The following PACRG variants were observed in gnomAD, a reference collection of about 807,000 sequenced individuals.
PACRG encodes the protein parkin coregulated, also known as parkin coregulated gene protein.
Under a neutral mutation model 29.7 loss-of-function variants are expected in PACRG, and 29 were observed. The observed-to-expected ratio is 0.98, with a 90% CI of 0.73 to 1.33. The LOEUF (loss-of-function observed/expected upper bound fraction) is 1.33, where lower values mean the gene tolerates loss of function less well. Among genes scored for constraint, PACRG ranks in the 40% most tolerant of loss-of-function variants. The probability of loss-of-function intolerance (pLI) is 0.00; values close to 1 mark genes in which losing one functional copy is unlikely to be tolerated. For missense variants in PACRG, 279 were observed against 316.2 expected, an observed-to-expected ratio of 0.88 and a Z score of 0.89; for synonymous variants, 116 against 118.7, an observed-to-expected ratio of 0.98 and a Z score of 0.15.
chr6:163,270,018 G>C (rs890131054), intron 4 of PACRG, among the ~76,000 whole-genome samples: 1 of 144,012 alleles, frequency 6.9e-6, no homozygotes, highest in Admixed American at 6.9e-5. Context: ...GAGGGAGGGA[G>C]GGAGGGAGGA....
Position 163,081,715 on chromosome 6 carries a change from C to G in PACRG, c.464-7544C>G, listed in dbSNP as rs535412176. Among the ~76,000 whole-genome samples, 17 of 151,906 alleles carry G rather than the reference C, an allele frequency of 1.1e-4. No individual in the cohort carries two copies. The South Asian group carries it at 3.1e-3, about 28-fold the overall frequency. On this transcript the variant is annotated intron_variant, in intron 3 of 4. Coordinates refer to ENST00000366888, the MANE Select transcript of PACRG (RefSeq NM_001080379.2). ...AAGCTATAGTGGGCTATGATCACAC[C>G]ACTGCACTCCAGCTAGGGTGACAGA... is the stretch of plus-strand genomic sequence containing the variant.
intron 4 of PACRG, among the ~76,000 whole-genome samples, chr6:163,186,569 A>G (rs1039090742): frequency 1.5e-4 from 23 of 152,232 alleles, no homozygotes; most frequent in African/African-American, 5.3e-4. Flanking sequence ...TCTTACTAAG[A>G]GTTGGAACTC....
intron 4 of PACRG, among the ~76,000 whole-genome samples, chr6:163,251,915 C>T (rs1438930478): frequency 6.6e-6 from 1 of 152,148 alleles, no homozygotes; most frequent in African/African-American, 2.4e-5. Context: ...CATGGTTCTT[C>T]AAATGGAATA....
intron 4 of PACRG, among the ~76,000 whole-genome samples, chr6:163,195,623 A>G (rs1780416191): frequency 6.6e-6 from 1 of 152,192 alleles, no homozygotes; most frequent in Admixed American, 6.5e-5. Flanking sequence ...GAAGGGGTCT[A>G]ACCTCCCCCA....
chr6:162,938,428 G>A (rs2128115177), intron 2 of PACRG, among the ~76,000 whole-genome samples: 1 of 152,292 alleles, frequency 6.6e-6, no homozygotes, highest in East Asian at 1.9e-4. Context: ...TAGTGGGATT[G>A]CTGGATCAAA....
chr6:162,928,096 GTGTT>G (rs961755708), intron 2 of PACRG, among the ~76,000 whole-genome samples: 48 of 152,098 alleles, frequency 3.2e-4, no homozygotes, highest in South Asian at 2.5e-3. Context: ...AGAAAAATCT[GTGTT>G]TGGTCTTTTT....
chr6:162,750,674 T>C (rs181921907), intron 1 of PACRG, among the ~76,000 whole-genome samples: 17 of 152,312 alleles, frequency 1.1e-4, no homozygotes, highest in African/African-American at 4.1e-4. Context: ...GTGTGTGACA[T>C]TGGGTTTCAT....
intron 2 of PACRG, among the ~76,000 whole-genome samples, chr6:162,908,037 T>TA (rs1398981703): frequency 6.6e-6 from 1 of 152,338 alleles, no homozygotes; most frequent in Non-Finnish European, 1.5e-5. Context: ...GAGTTATACA[T>TA]ACGCCTCTCA....
intron 4 of PACRG, chr6:163,179,394 TA>T (rs5881511): frequency 0.6 from 130,016 of 216,396 alleles, 35,668 homozygotes; most frequent in Admixed American, 0.65. Flanking sequence ...TTCTTTAAAT[TA>T]AAAAAAAAAA....
chr6:163,120,558 G>C (rs912015734), intron 4 of PACRG, among the ~76,000 whole-genome samples: 2 of 152,156 alleles, frequency 1.3e-5, no homozygotes, highest in Non-Finnish European at 2.9e-5. Flanking sequence ...TTAGCCAAGA[G>C]GTTACCGCAG....
chr6:162,761,935 CA>C (rs60437478), intron 1 of PACRG, among the ~76,000 whole-genome samples: 8,039 of 75,914 alleles, frequency 0.11, 285 homozygotes, highest in South Asian at 0.21. Context: ...GACTCCATCT[CA>C]AAAAAAAAAA....
In PACRG at chr6:162,727,994, A is replaced by G; in HGVS notation, c.-242A>G. On this transcript the variant is annotated 5_prime_UTR_variant, in exon 1 of 5. Transcript: ENST00000366888. ...CAGTCGCTTAGCAACCGGGAGGCTTACCTTTGGAAGCTTGTTGCAGCTCTA... is the reference window on the plus strand; with the variant it reads ...CAGTCGCTTAGCAACCGGGAGGCTTGCCTTTGGAAGCTTGTTGCAGCTCTA... 1 of 619,050 alleles carries G rather than the reference A, an allele frequency of 1.6e-6. No homozygotes were observed. Among genetic ancestry groups the G allele is most frequent in the East Asian group, 2.7e-5 (1 of 36,768 alleles). The allele number at this position is 619,050 out of a possible 1,614,324, so 38.3% of individuals were successfully genotyped here. A position where few individuals can be genotyped will look rare whatever the true frequency, so the allele number is the denominator to read the frequency against.
In PACRG at chr6:163,315,145, G is replaced by A; in HGVS notation, c.*158G>A. The stretch of plus-strand genomic sequence containing the variant: ...CATTGGACTGTTAGCCCTATTGAGA[G>A]CAAGGCTTTCCAATACATAAATAGT... On this transcript the variant is annotated 3_prime_UTR_variant, in exon 5 of 5. Coordinates refer to ENST00000366888, the MANE Select transcript of PACRG (RefSeq NM_001080379.2). 2.6e-6 allele frequency: 2 copies of A among 771,566 alleles called. No homozygotes were observed. The highest frequency in any genetic ancestry group is 4.1e-6 in the Non-Finnish European group (2 of 493,470). 47.8% of individuals were successfully genotyped at this position (771,566 alleles called of 1,614,324 possible).
At chr6:163,081,992 C>G (rs1183520156) in intron 3 of PACRG, among the ~76,000 whole-genome samples, 1 of 152,050 alleles carries the variant, frequency 6.6e-6, no homozygotes, top group Non-Finnish European at 1.5e-5. Context: ...AATATCATTA[C>G]ATATAAAATC....
chr6:163,265,117 C>T (rs930513308), intron 4 of PACRG, among the ~76,000 whole-genome samples: 11 of 152,266 alleles, frequency 7.2e-5, no homozygotes, highest in South Asian at 2.1e-4. Context: ...GGTGAATGAA[C>T]GCATGCATGA....
intron 1 of PACRG, among the ~76,000 whole-genome samples, chr6:162,745,707 T>C (rs1271306426): frequency 6.6e-6 from 1 of 152,070 alleles, no homozygotes; most frequent in African/African-American, 2.4e-5. Flanking sequence ...ACAAGAGACA[T>C]TGAGATTTAA....
chr6:162,970,428 T>A (rs1318696717), intron 2 of PACRG, among the ~76,000 whole-genome samples: 3 of 152,142 alleles, frequency 2.0e-5, no homozygotes, highest in Admixed American at 1.3e-4. Context: ...GGGGACCACC[T>A]GGTCCCCCTC....
At chr6:163,092,376 G>A (rs969361070) in intron 4 of PACRG, among the ~76,000 whole-genome samples, 2 of 152,156 alleles carry the variant, frequency 1.3e-5, no homozygotes, top group Non-Finnish European at 2.9e-5. Flanking sequence ...GGGAGGAACA[G>A]TCCATGCTCA....
chr6:163,119,549 T>G (rs1816171717), intron 4 of PACRG, among the ~76,000 whole-genome samples: 1 of 152,020 alleles, frequency 6.6e-6, no homozygotes, highest in South Asian at 2.1e-4. Flanking sequence ...CATGCAGGAG[T>G]TGCTCAGCTA....
Sources: gnomAD v4.1 joint callset for allele counts (sites outside exome capture counted in the v4.1 genomes callset) on GRCh38, gnomAD v4.1.1 for gene constraint, MANE v1.5 for transcripts, NCBI Gene and HGNC (gene_info 2026-07-23, HGNC 2026-07-21) for gene names.